The following COL25A1 variants were observed in gnomAD, a reference collection of about 807,000 sequenced individuals.
The protein encoded by COL25A1 is collagen type XXV alpha 1 chain.
A neutral mutation model predicts 128.4 loss-of-function variants in COL25A1; 103 were observed. The ratio of observed to expected loss-of-function variants is 0.80; its 90% CI spans 0.68 to 0.94. The LOEUF is 0.94. COL25A1 is among the 40% of genes least tolerant of loss of function. The pLI, the probability that COL25A1 is intolerant of heterozygous loss-of-function variation, is 0.00. For missense variants in COL25A1, 745 were observed against 840.0 expected, an observed-to-expected ratio of 0.89 and a Z score of 1.40; for synonymous variants, 279 against 277.2, an observed-to-expected ratio of 1.01 and a Z score of -0.06.
intron 18 of COL25A1, among the ~76,000 whole-genome samples, chr4:108,886,442 TTGTGTGTGTGTGTGTGTGTG>T (rs375825376): frequency 7.4e-5 from 6 of 81,376 alleles, no homozygotes; most frequent in African/African-American, 1.9e-4. Flanking sequence ...CTATGAGATT[TTGTGTGTGTGTGTGTGTGTG>T]TGTGTGTGTG....
intron 3 of COL25A1, among the ~76,000 whole-genome samples, chr4:109,121,120 T>C (rs1173137141): frequency 6.6e-6 from 1 of 151,948 alleles, no homozygotes; most frequent in African/African-American, 2.4e-5. Context: ...TGATATAGAG[T>C]GGCAAAAGAT....
Position 108,812,023 on chromosome 4 carries a change from G to A in COL25A1, c.*1904C>T, listed in dbSNP as rs938656492. On this transcript the variant is annotated 3_prime_UTR_variant, in exon 38 of 38. Transcript: ENST00000399132. ...CTTCCCAGAAGATGGCATTGAGTCA[G>A]GAGAGAAATTAAATTCTCTAATGGG... 1.4e-4 allele frequency: 22 copies of A among 152,110 alleles called. No homozygotes were observed. Among genetic ancestry groups the A allele is most frequent in the African/African-American group, 5.3e-4 (22 of 41,424 alleles). The allele number at this position is 152,110 out of a possible 1,614,324, so 9.4% of individuals were successfully genotyped here. A position where few individuals can be genotyped will look rare whatever the true frequency, so the allele number is the denominator to read the frequency against.
intron 3 of COL25A1, among the ~76,000 whole-genome samples, chr4:109,253,911 C>T (rs1357266330): frequency 6.6e-6 from 1 of 151,998 alleles, no homozygotes; most frequent in African/African-American, 2.4e-5. Context: ...CACGGTGAAA[C>T]CCTGTCTCTA....
intron 15 of COL25A1, 50 bp from the exon 16 acceptor site, chr4:108,896,761 C>A (rs1241370433): frequency 1.3e-6 from 2 of 1,489,102 alleles, no homozygotes; most frequent in Non-Finnish European, 1.9e-6. Flanking sequence ...TGACGTCAAG[C>A]AGATAATATT....
intron 18 of COL25A1, among the ~76,000 whole-genome samples, chr4:108,887,574 G>A (rs1394910995): frequency 1.3e-5 from 2 of 152,096 alleles, no homozygotes; most frequent in African/African-American, 4.8e-5. Context: ...CATTCAGGAG[G>A]ACTGTAAGAC....
intron 15 of COL25A1, among the ~76,000 whole-genome samples, chr4:108,898,565 A>G (rs1304274587): frequency 6.6e-6 from 1 of 152,184 alleles, no homozygotes; most frequent in Non-Finnish European, 1.5e-5. Context: ...GAGTAACTTA[A>G]CACTCTGCTC....
At chr4:109,192,319 G>A (rs887779526) in intron 3 of COL25A1, among the ~76,000 whole-genome samples, 2 of 152,148 alleles carry the variant, frequency 1.3e-5, no homozygotes, top group African/African-American at 4.8e-5. Context: ...AAAAAAGGCA[G>A]AGAATTGGGA....
At chr4:109,024,609 T>C (rs932296980) in intron 5 of COL25A1, among the ~76,000 whole-genome samples, 3 of 152,160 alleles carry the variant, frequency 2.0e-5, no homozygotes, top group Non-Finnish European at 4.4e-5. Flanking sequence ...TTAAGTTTTT[T>C]ATGCTTCTCT....
At chr4:108,955,221 T>TAAG (rs146992089) in intron 8 of COL25A1, among the ~76,000 whole-genome samples, 6,605 of 152,044 alleles carry the variant, frequency 0.043, 358 homozygotes, top group African/African-American at 0.13. Flanking sequence ...TTAAAGAGAG[T>TAAG]AAGAAGTTAC....
intron 26 of COL25A1, among the ~76,000 whole-genome samples, chr4:108,849,604 T>C (rs1735538362): frequency 6.6e-6 from 1 of 152,192 alleles, no homozygotes; most frequent in Non-Finnish European, 1.5e-5. Flanking sequence ...GGTGACTAAA[T>C]AAATTCCTTG....
chr4:108,889,080 CA>C, intron 18 of COL25A1, 140 bp downstream of exon 18: 1 of 792,538 alleles, frequency 1.3e-6, no homozygotes, highest in Non-Finnish European at 2.1e-6. Flanking sequence ...TTTTAAAATG[CA>C]AAACAACAAT....
At chr4:108,893,496 G>C (rs1048850595) in intron 16 of COL25A1, among the ~76,000 whole-genome samples, 36 of 152,232 alleles carry the variant, frequency 2.4e-4, no homozygotes, top group Admixed American at 5.2e-4. Context: ...ATGGTTGTAG[G>C]CCAGACTGTG....
At chr4:109,082,157 G>C (rs565143465) in intron 3 of COL25A1, among the ~76,000 whole-genome samples, 1 of 152,104 alleles carries the variant, frequency 6.6e-6, no homozygotes, top group Non-Finnish European at 1.5e-5. Context: ...TTTCATAGCT[G>C]AGTACTATTC....
In COL25A1 at chr4:109,160,555, G is replaced by C. The variant is rs578068428; in HGVS notation, c.368-110376C>G. 2.6e-5 allele frequency among the ~76,000 whole-genome samples: 4 copies of C among 152,296 alleles called. No individual in the cohort carries two copies. The East Asian group carries it at 7.7e-4, about 29-fold the overall frequency. ...ACCTAAGTTCGCCCTGCTTCAACCT[G>C]TCATGGATAAGCCACTACTACCTAC... is the stretch of plus-strand genomic sequence containing the variant. On this transcript the variant is annotated intron_variant, in intron 3 of 37. Coordinates refer to ENST00000399132, the MANE Select transcript of COL25A1 (RefSeq NM_198721.4).
intron 3 of COL25A1, among the ~76,000 whole-genome samples, chr4:109,202,002 G>A (rs2126182569): frequency 6.6e-6 from 1 of 152,214 alleles, no homozygotes; most frequent in East Asian, 1.9e-4. Context: ...GATATTTCAT[G>A]CTCCTGAACA....
At chr4:109,125,197 G>C (rs936509715) in intron 3 of COL25A1, among the ~76,000 whole-genome samples, 4 of 152,152 alleles carry the variant, frequency 2.6e-5, no homozygotes, top group African/African-American at 9.6e-5. Flanking sequence ...TGTATGTGGA[G>C]AGAAGGCAGG....
At chr4:109,038,108 C>T (rs571937077) in intron 5 of COL25A1, among the ~76,000 whole-genome samples, 8 of 152,284 alleles carry the variant, frequency 5.3e-5, no homozygotes, top group African/African-American at 1.9e-4. Flanking sequence ...CTGTTTACAA[C>T]CTCACTGTGA....
chr4:109,110,367 T>C lies in COL25A1; in HGVS notation c.368-60188A>G, dbSNP rs369174951. Among the ~76,000 whole-genome samples the C allele has an allele frequency of 2.6e-5, 4 of 152,286 alleles. No individual in the cohort carries two copies. The East Asian group carries it at 5.8e-4, about 22-fold the overall frequency. On this transcript the variant is annotated intron_variant, in intron 3 of 37. Coordinates refer to ENST00000399132, the MANE Select transcript of COL25A1 (RefSeq NM_198721.4). Reference sequence around the variant, plus strand: ...TTTCCTTTTGCTTCCCATAATCCCATTCTGCTATGTATAGACCCCATTTCC... The same window carrying C: ...TTTCCTTTTGCTTCCCATAATCCCACTCTGCTATGTATAGACCCCATTTCC...
intron 5 of COL25A1, among the ~76,000 whole-genome samples, chr4:109,013,517 GCAA>G (rs1428476198): frequency 5.3e-5 from 3 of 56,510 alleles, no homozygotes; most frequent in African/African-American, 1.8e-4. Flanking sequence ...TTCACTCTTT[GCAA>G]TAAATCTTGC....
Sources: gnomAD v4.1 joint callset for allele counts (sites outside exome capture counted in the v4.1 genomes callset) on GRCh38, gnomAD v4.1.1 for gene constraint, MANE v1.5 for transcripts, NCBI Gene and HGNC (gene_info 2026-07-23, HGNC 2026-07-21) for gene names.